Variants in COP1 observed in about 807,000 individuals in gnomAD.
COP1 encodes the protein E3 ubiquitin-protein ligase COP1.
Under a neutral mutation model 101.3 loss-of-function variants are expected in COP1, and 24 were observed. The observed-to-expected ratio is 0.24, with a 90% CI of 0.17 to 0.33. COP1 has a LOEUF of 0.33. Ranked by LOEUF, COP1 falls within the 10% of genes least tolerant of loss-of-function variation. The pLI is 1.00. For synonymous variants in COP1, 347 were observed against 341.9 expected (o/e 1.01, Z -0.17); for missense variants, 663 against 906.2 (o/e 0.73, Z 3.45).
At chr1:175,965,342 A>G (rs1651873637) in intron 18 of COP1, among the ~76,000 whole-genome samples, 1 of 152,150 alleles carries the variant, frequency 6.6e-6, no homozygotes, top group Admixed American at 6.5e-5. Flanking sequence ...TATAAGATAT[A>G]GGGATTCTTA....
chr1:175,962,801 C>G (rs1269276822), intron 18 of COP1, among the ~76,000 whole-genome samples: 1 of 152,038 alleles, frequency 6.6e-6, no homozygotes, highest in Non-Finnish European at 1.5e-5. Context: ...TTAATCCTAT[C>G]TCTTAACAAA....
At chr1:176,016,305 G>T (rs936025997) in intron 15 of COP1, among the ~76,000 whole-genome samples, 2 of 152,068 alleles carry the variant, frequency 1.3e-5, no homozygotes, top group Non-Finnish European at 2.9e-5. Flanking sequence ...AGACAACTGA[G>T]AACTATAGAT....
intron 11 of COP1, among the ~76,000 whole-genome samples, chr1:176,075,896 A>G (rs1179761773): frequency 6.6e-6 from 1 of 151,498 alleles, no homozygotes; most frequent in Non-Finnish European, 1.5e-5. Flanking sequence ...CCAGCTACTG[A>G]AGAGGCTGAG....
In COP1 at chr1:175,955,090, A is replaced by G. The variant is rs567304282; in HGVS notation, c.2134-7851T>C. On this transcript the variant is annotated intron_variant, in intron 18 of 19. Coordinates refer to ENST00000367669, the MANE Select transcript of COP1 (RefSeq NM_022457.7). ...TGGCGAAACCCTCTCTATCAAAAAC[A>G]CAAAAAATTAGATGGGTGTGGTGGC... Among the ~76,000 whole-genome samples the G allele has an allele frequency of 7.2e-5, 11 of 152,096 alleles. No individual in the cohort carries two copies. In the East Asian group the frequency reaches 1.7e-3, roughly 24 times the overall value.
chr1:176,096,985 C>A (rs947547338), intron 9 of COP1, among the ~76,000 whole-genome samples: 3 of 152,074 alleles, frequency 2.0e-5, no homozygotes, highest in African/African-American at 7.2e-5. Context: ...GATACCTGTG[C>A]AACCTTTGCT....
chr1:176,152,682 TCTGCCTTC>T (rs1238690991), intron 5 of COP1, among the ~76,000 whole-genome samples: 1 of 152,128 alleles, frequency 6.6e-6, no homozygotes, highest in Admixed American at 6.6e-5. Context: ...TCCTAAGTGA[TCTGCCTTC>T]CTGGCCTCCC....
intron 1 of COP1, chr1:176,206,307 C>G (rs1572851595): frequency 2.1e-6 from 1 of 482,352 alleles, no homozygotes; most frequent in South Asian, 2.9e-5. Context: ...CCTCGTCATT[C>G]GTTAAACTCC....
At chr1:176,121,244 AT>A (rs936535204) in intron 8 of COP1, among the ~76,000 whole-genome samples, 4 of 151,958 alleles carry the variant, frequency 2.6e-5, no homozygotes, top group African/African-American at 9.7e-5. Context: ...TATTTTTAAT[AT>A]TTAATTTTAA....
In COP1 at chr1:176,100,655, G is replaced by A. The variant is rs140086149; in HGVS notation, c.1027-14765C>T. 2.0e-3 allele frequency among the ~76,000 whole-genome samples: 307 copies of A among 152,256 alleles called. 3 individuals carry two copies. Among genetic ancestry groups the A allele is most frequent in the African/African-American group, 7.0e-3 (289 of 41,574 alleles). On this transcript the variant is annotated intron_variant, in intron 9 of 19. Coordinates refer to ENST00000367669, the MANE Select transcript of COP1 (RefSeq NM_022457.7). ...GGTGATGGGAATAAACAGAATGCCC[G>A]TCACTCGGAGGTTTCCTTTTTGGAA...
chr1:176,014,076 T>C (rs908450136), intron 15 of COP1, among the ~76,000 whole-genome samples: 1 of 152,224 alleles, frequency 6.6e-6, no homozygotes, highest in East Asian at 1.9e-4. Flanking sequence ...TTCATGTTTT[T>C]GGTGGAGAAT....
chr1:176,081,295 A>T lies in COP1; in HGVS notation c.1142-8T>A. The T allele has an allele frequency of 9.3e-6, 2 of 214,638 alleles. No individual in the cohort carries two copies. The highest frequency in any genetic ancestry group is 1.6e-5 in the Non-Finnish European group (2 of 123,568). The allele number at this position is 214,638 out of a possible 1,614,324, so 13.3% of individuals were successfully genotyped here. A position where few individuals can be genotyped will look rare whatever the true frequency, so the allele number is the denominator to read the frequency against. ...TTGCAGTTCGACTGTCATCTATATG[A>T]AAAAAAAAAAAAAAAGACAAAACAG... On this transcript the variant is annotated splice_region_variant and splice_polypyrimidine_tract_variant and intron_variant, in intron 10 of 19. Transcript: ENST00000367669.
At chr1:176,193,235 A>C (rs1050310142) in intron 1 of COP1, among the ~76,000 whole-genome samples, 1 of 152,228 alleles carries the variant, frequency 6.6e-6, no homozygotes, top group Non-Finnish European at 1.5e-5. Flanking sequence ...TAACCACTTC[A>C]CACCCATTAG....
At chr1:176,184,206 G>A (rs1260466538) in intron 2 of COP1, among the ~76,000 whole-genome samples, 1 of 152,098 alleles carries the variant, frequency 6.6e-6, no homozygotes, top group Non-Finnish European at 1.5e-5. Flanking sequence ...TTAATATTGA[G>A]CAAAGTGTTA....
At chr1:176,203,424 T>C (rs567856190) in intron 1 of COP1, among the ~76,000 whole-genome samples, 3 of 152,334 alleles carry the variant, frequency 2.0e-5, no homozygotes, top group Non-Finnish European at 4.4e-5. Flanking sequence ...TGGCTGGGAC[T>C]TGCAGAGGTA....
chr1:176,153,054 T>C (rs1208606598), intron 5 of COP1, among the ~76,000 whole-genome samples: 1 of 152,118 alleles, frequency 6.6e-6, no homozygotes, highest in Non-Finnish European at 1.5e-5. Flanking sequence ...CACAGAGGGT[T>C]TTAGGAAGTT....
At chr1:176,089,085 G>A (rs573670654) in intron 9 of COP1, among the ~76,000 whole-genome samples, 2 of 151,794 alleles carry the variant, frequency 1.3e-5, no homozygotes, top group African/African-American at 2.4e-5. Context: ...TGTGGATCAC[G>A]AGATCAGAAG....
At position 175,997,684 on chromosome 1, in the gene COP1, C is replaced by G. The variant is rs561259500; in HGVS notation, c.1730-8205G>C. Among the ~76,000 whole-genome samples the G allele has an allele frequency of 1.7e-3, 256 of 152,260 alleles. 1 individual carries two copies. Among genetic ancestry groups the G allele is most frequent in the African/African-American group, 5.9e-3 (245 of 41,536 alleles). The stretch of plus-strand genomic sequence containing the variant: ...CACTGGCTATCAGAGAAATGTAAAT[C>G]AAAACCACAATGAGATACCATCTCA... On this transcript the variant is annotated intron_variant, in intron 15 of 19. Coordinates refer to ENST00000367669, the MANE Select transcript of COP1 (RefSeq NM_022457.7).
At chr1:176,117,044 T>C (rs1686313184) in intron 8 of COP1, among the ~76,000 whole-genome samples, 1 of 152,174 alleles carries the variant, frequency 6.6e-6, no homozygotes, top group Non-Finnish European at 1.5e-5. Flanking sequence ...AGCACAAGCA[T>C]GCAATCAAAA....
rs186006521 is a variant in COP1, at chr1:176,193,168, G to T, written c.408-8476C>A. On this transcript the variant is annotated intron_variant, in intron 1 of 19. Coordinates refer to ENST00000367669, the MANE Select transcript of COP1 (RefSeq NM_022457.7). The stretch of plus-strand genomic sequence containing the variant: ...ATAAATGAATGGCCAACAAGCTCTT[G>T]AAAAGATGGTTAACCTCACTAGTGA... Among the ~76,000 whole-genome samples the T allele has an allele frequency of 1.1e-3, 165 of 152,212 alleles. 2 individuals are homozygous for T. Among genetic ancestry groups the T allele is most frequent in the Admixed American group, 0.011 (165 of 15,292 alleles).
Sources: gnomAD v4.1 joint callset for allele counts (sites outside exome capture counted in the v4.1 genomes callset) on GRCh38, gnomAD v4.1.1 for gene constraint, MANE v1.5 for transcripts, NCBI Gene and HGNC (gene_info 2026-07-23, HGNC 2026-07-21) for gene names.